Variants in CDH12 observed in about 807,000 individuals in gnomAD.
CDH12 encodes the protein cadherin-12.
Under a neutral mutation model 74.1 loss-of-function variants are expected in CDH12, and 41 were observed. The ratio of observed to expected loss-of-function variants is 0.55; its 90% confidence interval spans 0.43 to 0.72. CDH12 has a LOEUF of 0.72. CDH12 is among the 30% of genes least tolerant of loss of function. CDH12 has a pLI of 0.00. For missense variants in CDH12, 945 were observed against 977.2 expected, an observed-to-expected ratio of 0.97 and a Z score of 0.44; for synonymous variants, 399 against 355.0, an observed-to-expected ratio of 1.12 and a Z score of -1.39.
chr5:22,271,307 A>G (rs1439537620), intron 3 of CDH12, among the ~76,000 whole-genome samples: 2 of 152,202 alleles, frequency 1.3e-5, no homozygotes, highest in Non-Finnish European at 2.9e-5. Flanking sequence ...CTATTTATTA[A>G]AGCTTTATCA....
At chr5:22,108,021 A>T (rs568291029) in intron 4 of CDH12, among the ~76,000 whole-genome samples, 9 of 152,320 alleles carry the variant, frequency 5.9e-5, no homozygotes, top group African/African-American at 2.2e-4. Context: ...TTTTTAACAA[A>T]TATAATTTTT....
At chr5:22,116,866 T>C (rs757216882) in intron 4 of CDH12, among the ~76,000 whole-genome samples, 4 of 27,076 alleles carry the variant, frequency 1.5e-4, no homozygotes, top group East Asian at 7.2e-4. Flanking sequence ...GCAAGTCTCT[T>C]TTTTTTTTTT....
intron 1 of CDH12, among the ~76,000 whole-genome samples, chr5:22,683,771 C>A (rs1461779107): frequency 1.3e-5 from 2 of 152,152 alleles, no homozygotes; most frequent in African/African-American, 4.8e-5. Context: ...TTTCGTTTAG[C>A]ATTATACTCT....
chr5:22,035,713 TACACACACACAC>T (rs149918147), intron 5 of CDH12, among the ~76,000 whole-genome samples: 49 of 143,344 alleles, frequency 3.4e-4, no homozygotes, highest in African/African-American at 5.1e-4. Flanking sequence ...ACTTCACACA[TACACACACACAC>T]ACACACACAC....
At chr5:22,646,216 T>C (rs1042048565) in intron 1 of CDH12, among the ~76,000 whole-genome samples, 1 of 151,766 alleles carries the variant, frequency 6.6e-6, no homozygotes, top group Non-Finnish European at 1.5e-5. Flanking sequence ...AGTAGAAACA[T>C]TTTACCTAAA....
chr5:21,758,098 T>A (rs1744503869), intron 13 of CDH12, among the ~76,000 whole-genome samples: 1 of 152,222 alleles, frequency 6.6e-6, no homozygotes, highest in Non-Finnish European at 1.5e-5. Flanking sequence ...GTTTAAGTTA[T>A]CTCCTGAAAT....
At chr5:22,552,344 T>A (rs1174695096) in intron 1 of CDH12, among the ~76,000 whole-genome samples, 1 of 151,770 alleles carries the variant, frequency 6.6e-6, no homozygotes, top group Non-Finnish European at 1.5e-5. Context: ...GCATTACAGG[T>A]CCCTGCAATT....
chr5:22,835,793 G>C (rs182986825), intron 1 of CDH12, among the ~76,000 whole-genome samples: 1 of 152,258 alleles, frequency 6.6e-6, no homozygotes, highest in Admixed American at 6.5e-5. Context: ...TCAATGTGAT[G>C]GCTCATCAGT....
intron 1 of CDH12, among the ~76,000 whole-genome samples, chr5:22,658,542 T>G (rs1740180273): frequency 6.6e-6 from 1 of 152,126 alleles, no homozygotes; most frequent in Non-Finnish European, 1.5e-5. Context: ...GAAGGGCTTT[T>G]ATTCTGGAAC....
intron 3 of CDH12, among the ~76,000 whole-genome samples, chr5:22,349,133 T>C (rs1452065461): frequency 6.6e-6 from 1 of 152,154 alleles, no homozygotes; most frequent in East Asian, 1.9e-4. Context: ...GCATCACCTA[T>C]AAGAAAATGA....
chr5:22,596,475 T>C (rs1348424799), intron 1 of CDH12, among the ~76,000 whole-genome samples: 1 of 152,006 alleles, frequency 6.6e-6, no homozygotes, highest in Non-Finnish European at 1.5e-5. Context: ...AAACAATCTG[T>C]CTCAGTAGAG....
chr5:22,167,869 C>G (rs1748777377), intron 4 of CDH12, among the ~76,000 whole-genome samples: 2 of 152,118 alleles, frequency 1.3e-5, no homozygotes, highest in African/African-American at 2.4e-5. Context: ...TACACCTGAT[C>G]TAAAGGGTGA....
chr5:22,409,984 T>C (rs1302545309), intron 2 of CDH12, among the ~76,000 whole-genome samples: 2 of 152,110 alleles, frequency 1.3e-5, no homozygotes, highest in Non-Finnish European at 2.9e-5. Context: ...TTTATAAACA[T>C]GATGATAATA....
chr5:21,755,535 GA>G (rs1221599164), intron 14 of CDH12, 55 bp downstream of exon 14: 29 of 1,521,112 alleles, frequency 1.9e-5, no homozygotes, highest in East Asian at 9.2e-5. Context: ...AGAGAGAGGG[GA>G]AAAAAAGGAA....
At chr5:22,845,089 G>A (rs1737243355) in intron 1 of CDH12, among the ~76,000 whole-genome samples, 1 of 152,064 alleles carries the variant, frequency 6.6e-6, no homozygotes, top group Admixed American at 6.6e-5. Context: ...TATACATAGT[G>A]AGATATTATT....
At chr5:22,678,037 A>G (rs1371618256) in intron 1 of CDH12, among the ~76,000 whole-genome samples, 1 of 81,612 alleles carries the variant, frequency 1.2e-5, no homozygotes, top group Non-Finnish European at 2.7e-5. Context: ...CTCCTATACC[A>G]TCCTCATGGG....
intron 3 of CDH12, among the ~76,000 whole-genome samples, chr5:22,362,936 T>TG (rs2126309841): frequency 4.1e-5 from 2 of 48,524 alleles, no homozygotes; most frequent in Non-Finnish European, 4.0e-5. Context: ...TGTTGTGGGG[T>TG]GGGGGGAGGG....
At chr5:22,701,693 C>G (rs1742723031) in intron 1 of CDH12, among the ~76,000 whole-genome samples, 2 of 152,208 alleles carry the variant, frequency 1.3e-5, no homozygotes, top group South Asian at 2.1e-4. Flanking sequence ...ATTTTACCTA[C>G]CAGGCTTCTT....
intron 3 of CDH12, among the ~76,000 whole-genome samples, chr5:22,273,488 C>A (rs973268174): frequency 6.6e-6 from 1 of 152,156 alleles, no homozygotes; most frequent in Non-Finnish European, 1.5e-5. Context: ...TGTATATAAT[C>A]TCATTGATTA....
Sources: gnomAD v4.1 joint callset for allele counts (sites outside exome capture counted in the v4.1 genomes callset) on GRCh38, gnomAD v4.1.1 for gene constraint, MANE v1.5 for transcripts, NCBI Gene and HGNC (gene_info 2026-07-23, HGNC 2026-07-21) for gene names.